PPARGC1A: variants seen among roughly 807,000 people sequenced by gnomAD.
PPARGC1A encodes the protein peroxisome proliferator-activated receptor gamma coactivator 1-alpha.
PPARGC1A carries 25 observed loss-of-function variants against 88.7 expected under a neutral mutation model. The observed-to-expected ratio is 0.28, with a 90% CI of 0.21 to 0.39. PPARGC1A has a LOEUF of 0.39. PPARGC1A is among the 10% of genes least tolerant of loss of function. PPARGC1A has a pLI of 1.00. For missense variants in PPARGC1A, 880 were observed against 968.7 expected (o/e 0.91, Z 1.22); for synonymous variants, 363 against 355.6 (o/e 1.02, Z -0.24).
chr4:24,441,381 G>A, the PPARGC1A span, among the ~76,000 whole-genome samples: 45 of 152,236 alleles, frequency 3.0e-4, no homozygotes, highest in Middle Eastern at 3.4e-3. Context: ...CCTTGTGCCC[G>A]TGGGGTGCTG....
the PPARGC1A span, among the ~76,000 whole-genome samples, chr4:23,968,539 G>A: frequency 6.6e-6 from 1 of 152,126 alleles, no homozygotes; most frequent in South Asian, 2.1e-4. Flanking sequence ...CTTTTATGAA[G>A]ACAGTCATCT....
chr4:23,907,960 G>C (rs1325590089), upstream of PPARGC1A, among the ~76,000 whole-genome samples: 1 of 151,848 alleles, frequency 6.6e-6, no homozygotes, highest in Non-Finnish European at 1.5e-5. Context: ...GAAGAAAACT[G>C]TTTGGGGCAC....
chr4:24,082,325 T>C, the PPARGC1A span, among the ~76,000 whole-genome samples: 3 of 152,132 alleles, frequency 2.0e-5, no homozygotes, highest in Non-Finnish European at 4.4e-5. Context: ...CTATTTTACA[T>C]GGACTTTATG....
the PPARGC1A span, among the ~76,000 whole-genome samples, chr4:24,153,728 T>C: frequency 6.6e-6 from 1 of 152,170 alleles, no homozygotes; most frequent in Non-Finnish European, 1.5e-5. Context: ...TTAATAGAGG[T>C]TAATGGTGAC....
At chr4:24,414,127 A>T in the PPARGC1A span, among the ~76,000 whole-genome samples, 1 of 152,222 alleles carries the variant, frequency 6.6e-6, no homozygotes, top group Non-Finnish European at 1.5e-5. Flanking sequence ...AAGCTACAGG[A>T]TCCAAACTGG....
the PPARGC1A span, among the ~76,000 whole-genome samples, chr4:24,065,296 A>G: frequency 5.9e-5 from 9 of 152,090 alleles, no homozygotes; most frequent in Non-Finnish European, 1.2e-4. Context: ...TCTGCTGTGC[A>G]GGCATTAGCG....
the PPARGC1A span, among the ~76,000 whole-genome samples, chr4:24,092,092 G>C: frequency 6.6e-6 from 1 of 152,046 alleles, no homozygotes; most frequent in Non-Finnish European, 1.5e-5. Context: ...AGCAGCGTAT[G>C]AATCACTCAG....
At chr4:24,308,164 T>C in the PPARGC1A span, among the ~76,000 whole-genome samples, 2 of 151,896 alleles carry the variant, frequency 1.3e-5, no homozygotes, top group South Asian at 4.2e-4. Flanking sequence ...TGGTGGCACA[T>C]GCCTGTAATC....
At chr4:24,230,384 G>A in the PPARGC1A span, among the ~76,000 whole-genome samples, 28 of 152,174 alleles carry the variant, frequency 1.8e-4, no homozygotes, top group Non-Finnish European at 3.5e-4. Flanking sequence ...AAAGATCTGA[G>A]GCCGGGTTGT....
the PPARGC1A span, among the ~76,000 whole-genome samples, chr4:24,101,295 T>G: frequency 6.6e-6 from 1 of 152,206 alleles, no homozygotes; most frequent in African/African-American, 2.4e-5. Flanking sequence ...CTCCTGCGCC[T>G]TCTGCCATGA....
At chr4:24,314,982 G>T in the PPARGC1A span, among the ~76,000 whole-genome samples, 24 of 150,968 alleles carry the variant, frequency 1.6e-4, no homozygotes, top group Admixed American at 8.6e-4. Context: ...GTAAAGTTTG[G>T]CTCCATTCTG....
chr4:24,100,322 G>C, the PPARGC1A span, among the ~76,000 whole-genome samples: 2 of 152,134 alleles, frequency 1.3e-5, no homozygotes, highest in African/African-American at 4.8e-5. Context: ...CAGAATGACT[G>C]ATCCACATTA....
chr4:23,862,339 G>A (rs1039953250), intron 2 of PPARGC1A, among the ~76,000 whole-genome samples: 1 of 152,214 alleles, frequency 6.6e-6, no homozygotes, highest in African/African-American at 2.4e-5. Context: ...TGAGAAAATT[G>A]CAAACAAGAA....
the PPARGC1A span, among the ~76,000 whole-genome samples, chr4:24,242,048 T>C: frequency 6.6e-6 from 1 of 152,176 alleles, no homozygotes; most frequent in Admixed American, 6.5e-5. Context: ...ATTCTATTGA[T>C]TCTCTCCTGC....
At chr4:24,288,644 C>T in the PPARGC1A span, among the ~76,000 whole-genome samples, 7 of 152,054 alleles carry the variant, frequency 4.6e-5, no homozygotes, top group East Asian at 1.9e-4. Context: ...GAAGAGGATG[C>T]GAAAGACTAA....
the PPARGC1A span, among the ~76,000 whole-genome samples, chr4:24,042,235 T>C: frequency 1.3e-5 from 2 of 152,176 alleles, no homozygotes; most frequent in African/African-American, 4.8e-5. Context: ...TATTCAGCTG[T>C]TTTTTATTAA....
the PPARGC1A span, among the ~76,000 whole-genome samples, chr4:24,095,287 T>A: frequency 7.9e-5 from 12 of 152,014 alleles, no homozygotes; most frequent in Middle Eastern, 3.4e-3. Context: ...CGGCTAATTT[T>A]TGTATTTTTA....
At chr4:24,423,330 T>A in the PPARGC1A span, among the ~76,000 whole-genome samples, 4 of 152,232 alleles carry the variant, frequency 2.6e-5, no homozygotes, top group African/African-American at 9.7e-5. Flanking sequence ...TAACACGTGA[T>A]AGGGCTTGAT....
chr4:24,438,239 CA>C, the PPARGC1A span, among the ~76,000 whole-genome samples: 4 of 151,742 alleles, frequency 2.6e-5, no homozygotes, highest in African/African-American at 9.7e-5. Context: ...CCTCACACAA[CA>C]GGATGGAATT....
Sources: gnomAD v4.1 joint callset for allele counts (sites outside exome capture counted in the v4.1 genomes callset) on GRCh38, gnomAD v4.1.1 for gene constraint, MANE v1.5 for transcripts, NCBI Gene and HGNC (gene_info 2026-07-23, HGNC 2026-07-21) for gene names.